LRRIQ3: variants seen among roughly 807,000 people sequenced by gnomAD.
LRRIQ3 encodes the protein leucine rich repeats and IQ motif containing 3.
LRRIQ3 carries 75 observed loss-of-function variants against 59.3 expected under a neutral mutation model. The ratio of observed to expected loss-of-function variants is 1.26; its 90% CI spans 1.05 to 1.53. The LOEUF is 1.53. Ranked by LOEUF, LRRIQ3 falls within the 40% of genes most tolerant of loss-of-function variation. LRRIQ3 has a pLI of 0.00. For synonymous variants in LRRIQ3, 250 were observed against 231.3 expected, an observed-to-expected ratio of 1.08 and a Z score of -0.73; for missense variants, 831 against 710.0, an observed-to-expected ratio of 1.17 and a Z score of -1.94.
At chr1:74,138,553 C>T in intron 4 of LRRIQ3, 1 of 933,736 alleles carries the variant, frequency 1.1e-6, no homozygotes, top group Non-Finnish European at 1.3e-6. Flanking sequence ...GCAAGTGGAA[C>T]TCTTCAGGAG....
chr1:74,166,392 A>G (rs764678309), intron 3 of LRRIQ3, among the ~76,000 whole-genome samples: 1 of 151,542 alleles, frequency 6.6e-6, no homozygotes, highest in Non-Finnish European at 1.5e-5. Flanking sequence ...AAGGCCTGTG[A>G]TCTCCCTGGT....
intron 7 of LRRIQ3, among the ~76,000 whole-genome samples, chr1:74,039,007 G>C (rs906187777): frequency 6.6e-6 from 1 of 152,160 alleles, no homozygotes; most frequent in African/African-American, 2.4e-5. Context: ...GCTTCAGAAG[G>C]TGGGTAATAA....
chr1:74,103,661 G>A (rs1646565000), intron 5 of LRRIQ3, among the ~76,000 whole-genome samples: 2 of 151,684 alleles, frequency 1.3e-5, no homozygotes, highest in South Asian at 2.1e-4. Flanking sequence ...AAATCTCATA[G>A]AGAATCAACT....
intron 7 of LRRIQ3, 134 bp from the exon 8 acceptor site, chr1:74,027,103 T>C: frequency 1.8e-6 from 1 of 541,118 alleles, no homozygotes; most frequent in Non-Finnish European, 3.1e-6. Context: ...CACAACTCCA[T>C]TTATATAACT....
chr1:74,061,623 A>G (rs1654723754), intron 6 of LRRIQ3, among the ~76,000 whole-genome samples: 1 of 152,192 alleles, frequency 6.6e-6, no homozygotes, highest in African/African-American at 2.4e-5. Context: ...AAATACTTAA[A>G]TGTAAAACCT....
chr1:74,078,379 T>C (rs1295202931), intron 5 of LRRIQ3, among the ~76,000 whole-genome samples: 1 of 151,458 alleles, frequency 6.6e-6, no homozygotes, highest in Non-Finnish European at 1.5e-5. Flanking sequence ...AAAAACAAAA[T>C]CAATTAATAC....
chr1:74,134,164 C>T (rs1170300622), intron 4 of LRRIQ3, among the ~76,000 whole-genome samples: 2 of 151,972 alleles, frequency 1.3e-5, no homozygotes, highest in Admixed American at 1.3e-4. Flanking sequence ...ACTCCTCTTT[C>T]CAAAGAGTAA....
intron 4 of LRRIQ3, among the ~76,000 whole-genome samples, chr1:74,115,397 GGA>G (rs1206381906): frequency 6.6e-6 from 1 of 151,962 alleles, no homozygotes; most frequent in Non-Finnish European, 1.5e-5. Flanking sequence ...TATTTTTACT[GGA>G]GACTCCCTAA....
intron 2 of LRRIQ3, chr1:74,183,070 A>G (rs2100725733): frequency 2.7e-6 from 1 of 367,302 alleles, no homozygotes; most frequent in Non-Finnish European, 4.8e-6. Context: ...TATTATTCGC[A>G]TAGTAAAATG....
intron 4 of LRRIQ3, among the ~76,000 whole-genome samples, chr1:74,126,629 ATTGT>A (rs1017590369): frequency 6.6e-6 from 1 of 151,830 alleles, no homozygotes; most frequent in Admixed American, 6.6e-5. Context: ...TCAGGAGCAT[ATTGT>A]TTAATTTCCA....
intron 5 of LRRIQ3, among the ~76,000 whole-genome samples, chr1:74,076,236 C>T (rs146648922): frequency 6.6e-6 from 1 of 152,232 alleles, no homozygotes; most frequent in East Asian, 1.9e-4. Context: ...CTTCTGAAGA[C>T]TCACAAATAT....
intron 1 of LRRIQ3, among the ~76,000 whole-genome samples, chr1:74,193,754 A>T (rs973636767): frequency 1.3e-5 from 2 of 152,076 alleles, no homozygotes; most frequent in Admixed American, 6.6e-5. Flanking sequence ...GGTCTACATG[A>T]AAGTAATTTA....
rs182703900 is a variant in LRRIQ3 at position 74,139,561 on chromosome 1, T to C, written c.707+16172A>G. Among the ~76,000 whole-genome samples, 200 of 152,036 alleles carry C rather than the reference T, an allele frequency of 1.3e-3. 1 individual carries two copies. The highest frequency in any genetic ancestry group is 1.2e-3 in the Non-Finnish European group (82 of 67,926). On this transcript the variant is annotated intron_variant, in intron 4 of 7. Transcript: ENST00000354431. ...CCTAAACTATTTTAGTAACCTAGGA[T>C]TGATGGCTTTAGTCTTCCCTCATTA...
chr1:74,170,788 A>AT (rs894693499), intron 3 of LRRIQ3, among the ~76,000 whole-genome samples: 3 of 152,180 alleles, frequency 2.0e-5, no homozygotes, highest in African/African-American at 7.2e-5. Flanking sequence ...AACAATACTA[A>AT]TTTTTTAGTC....
chr1:74,070,424 T>A (rs1052458478), intron 6 of LRRIQ3, among the ~76,000 whole-genome samples: 1 of 151,618 alleles, frequency 6.6e-6, no homozygotes, highest in Non-Finnish European at 1.5e-5. Flanking sequence ...GAGCTAAACA[T>A]CAAGTACATA....
chr1:74,196,500 A>G (rs1226810665), intron 1 of LRRIQ3, among the ~76,000 whole-genome samples: 1 of 152,162 alleles, frequency 6.6e-6, no homozygotes, highest in Non-Finnish European at 1.5e-5. Context: ...TATAATGCAT[A>G]CAGACACATA....
chr1:74,113,604 G>A (rs540124361), intron 4 of LRRIQ3, among the ~76,000 whole-genome samples: 1 of 152,014 alleles, frequency 6.6e-6, no homozygotes, highest in East Asian at 1.9e-4. Flanking sequence ...AAGCCAGAAG[G>A]CAATAGTATG....
chr1:74,185,880 T>A (rs1269697937), intron 1 of LRRIQ3, among the ~76,000 whole-genome samples: 1 of 151,794 alleles, frequency 6.6e-6, no homozygotes, highest in African/African-American at 2.4e-5. Flanking sequence ...GAGCGTGCAC[T>A]CCAGCCTGGG....
At chr1:74,148,635 T>C (rs1647728009) in intron 4 of LRRIQ3, among the ~76,000 whole-genome samples, 1 of 152,208 alleles carries the variant, frequency 6.6e-6, no homozygotes, top group African/African-American at 2.4e-5. Context: ...TGTTCAGTTA[T>C]TCAGTGAAAA....
Sources: allele counts gnomAD v4.1 joint callset (sites outside exome capture counted in the v4.1 genomes callset), GRCh38; gene constraint gnomAD v4.1.1; transcripts MANE v1.5; gene names NCBI Gene and HGNC (gene_info 2026-07-23, HGNC 2026-07-21).